The following SSBP3 variants were observed in gnomAD, a reference collection of about 807,000 sequenced individuals.
SSBP3 encodes the protein single stranded DNA binding protein 3.
In SSBP3, 5 loss-of-function variants were observed where a neutral mutation model predicts 69.6. The observed-to-expected ratio is 0.07, with a 90% CI of 0.04 to 0.15. The LOEUF is 0.15. Ranked by LOEUF, SSBP3 falls within the 10% of genes least tolerant of loss-of-function variation. SSBP3 has a pLI of 1.00. For missense variants in SSBP3, 312 were observed against 534.0 expected (o/e 0.58, Z 4.10); for synonymous variants, 196 against 193.4 (o/e 1.01, Z -0.11).
In SSBP3 at chr1:54,255,167, G is replaced by C. The variant is rs544909926; in HGVS notation, c.507+1960C>G. ...TTCTATTGCGGGGGGGCGGGGGGGGGGGTGGTTGGCAGGGAGGTTGGGAAA... is the reference window on the plus strand; with the variant it reads ...TTCTATTGCGGGGGGGCGGGGGGGGCGGTGGTTGGCAGGGAGGTTGGGAAA... On this transcript the variant is annotated intron_variant, in intron 7 of 17. Coordinates refer to ENST00000610401, the Ensembl canonical transcript of SSBP3. Among the ~76,000 whole-genome samples the C allele has an allele frequency of 4.8e-3, 682 of 140,786 alleles. 33 individuals carry two copies. Among genetic ancestry groups the C allele is most frequent in the African/African-American group, 0.016 (642 of 38,992 alleles). The allele number at this position is 140,786 out of a possible 152,430, so 92.4% of individuals were successfully genotyped here.
At chr1:54,406,679 C>T (rs1649799840), upstream of SSBP3, among the ~76,000 whole-genome samples, 1 of 151,970 alleles carries the variant, frequency 6.6e-6, no homozygotes, top group African/African-American at 2.4e-5. Context: ...ACCCTGGTCT[C>T]CTCGCCCCAG....
intron 4 of SSBP3, among the ~76,000 whole-genome samples, chr1:54,360,916 C>CT (rs1646941946): frequency 8.2e-6 from 1 of 122,316 alleles, no homozygotes; most frequent in Non-Finnish European, 1.7e-5. Context: ...CTTGTCTCTA[C>CT]TTAAAAAAAA....
At chr1:54,273,050 C>T (rs1051282838) in intron 5 of SSBP3, among the ~76,000 whole-genome samples, 4 of 152,202 alleles carry the variant, frequency 2.6e-5, no homozygotes, top group South Asian at 2.1e-4. Context: ...GCCAGGAGGA[C>T]GTGGTGTGTA....
chr1:54,411,918 C>G (rs1010880549), intron 1 of SSBP3, among the ~76,000 whole-genome samples: 7 of 145,612 alleles, frequency 4.8e-5, no homozygotes, highest in Non-Finnish European at 1.1e-4. Context: ...AAGCAGAAGG[C>G]AAGGCCCTAT....
intron 14 of SSBP3, 169 bp downstream of exon 14, chr1:54,238,960 A>C: frequency 2.2e-6 from 1 of 464,456 alleles, no homozygotes; most frequent in Non-Finnish European, 4.1e-6. Flanking sequence ...GCCGCCCATG[A>C]AATGGGAACT....
intron 4 of SSBP3, among the ~76,000 whole-genome samples, chr1:54,380,735 C>A (rs1647563025): frequency 6.6e-6 from 1 of 152,074 alleles, no homozygotes; most frequent in Non-Finnish European, 1.5e-5. Context: ...TTGTAATGCC[C>A]CACCCCCAAC....
At chr1:54,331,525 C>G (rs911290506) in intron 4 of SSBP3, among the ~76,000 whole-genome samples, 4 of 152,208 alleles carry the variant, frequency 2.6e-5, no homozygotes, top group Non-Finnish European at 4.4e-5. Context: ...GCCTCTCCCT[C>G]CACACCACAC....
chr1:54,228,363 A>G lies in SSBP3; in HGVS notation c.1036-7T>C, dbSNP rs1336115566. ...TTATGTTGTTAGGAGAATTCTGTGGAAAGAGGAGAGGAGGTGAGCACCTGT... is the reference window on the plus strand; with the variant it reads ...TTATGTTGTTAGGAGAATTCTGTGGGAAGAGGAGAGGAGGTGAGCACCTGT... On this transcript the variant is annotated splice_polypyrimidine_tract_variant and splice_region_variant and intron_variant, in intron 16 of 17. Transcript: ENST00000610401. The G allele has an allele frequency of 3.1e-6, 5 of 1,614,012 alleles. No individual in the cohort carries two copies. Among genetic ancestry groups the G allele is most frequent in the African/African-American group, 1.3e-5 (1 of 74,906 alleles).
At chr1:54,241,069 C>A (rs764172437) in intron 12 of SSBP3, 110 bp from the exon 13 acceptor site, 5 of 1,176,720 alleles carry the variant, frequency 4.2e-6, no homozygotes, top group African/African-American at 3.1e-5. Context: ...CAGGCCCAGC[C>A]GCTATTCATC....
chr1:54,297,482 T>G (rs1645723031), intron 4 of SSBP3, among the ~76,000 whole-genome samples: 1 of 152,066 alleles, frequency 6.6e-6, no homozygotes, highest in African/African-American at 2.4e-5. Context: ...AATACAAAAA[T>G]TAGCCGGGCG....
chr1:54,276,962 C>T (rs1645299772), intron 5 of SSBP3, among the ~76,000 whole-genome samples: 1 of 152,180 alleles, frequency 6.6e-6, no homozygotes, highest in African/African-American at 2.4e-5. Flanking sequence ...TCTCCTGTGT[C>T]CTGCCACAGG....
At chr1:54,355,839 T>TTG (rs1053697697) in intron 4 of SSBP3, among the ~76,000 whole-genome samples, 13 of 152,326 alleles carry the variant, frequency 8.5e-5, no homozygotes, top group Admixed American at 7.8e-4. Flanking sequence ...ACCTCCCGCT[T>TTG]TGTGCGAGGG....
In SSBP3 at chr1:54,228,929, C is replaced by T. The variant is rs930504893; in HGVS notation, c.928-103G>A. The T allele has an allele frequency of 2.9e-5, 36 of 1,241,438 alleles. No individual in the cohort carries two copies. The African/African-American group carries it at 4.9e-4, about 17-fold the overall frequency. 76.9% of individuals were successfully genotyped at this position (1,241,438 alleles called of 1,614,324 possible). ...ACGCTTGAGTCCTGGCCCTGGGGAACCCCTGCTCCGGCAGGCTCTGCTCAC... is the reference window on the plus strand; with the variant it reads ...ACGCTTGAGTCCTGGCCCTGGGGAATCCCTGCTCCGGCAGGCTCTGCTCAC... On this transcript the variant is annotated intron_variant, in intron 14 of 17. Transcript: ENST00000610401.
intron 7 of SSBP3, among the ~76,000 whole-genome samples, chr1:54,253,189 T>G (rs1335730632): frequency 7.0e-6 from 1 of 143,308 alleles, no homozygotes; most frequent in South Asian, 2.1e-4. Flanking sequence ...TTTTTTAGTT[T>G]TTGTTTTTTT....
At chr1:54,338,918 G>A (rs960351120) in intron 4 of SSBP3, among the ~76,000 whole-genome samples, 3 of 152,152 alleles carry the variant, frequency 2.0e-5, no homozygotes, top group African/African-American at 7.2e-5. Flanking sequence ...AGATCATGAC[G>A]ACGGTGCAAG....
At chr1:54,376,690 T>C (rs1316238825) in intron 4 of SSBP3, among the ~76,000 whole-genome samples, 1 of 152,106 alleles carries the variant, frequency 6.6e-6, no homozygotes, top group Non-Finnish European at 1.5e-5. Flanking sequence ...TCAAATTACA[T>C]CAAACATCTA....
At chr1:54,365,455 C>A (rs556858471) in intron 4 of SSBP3, among the ~76,000 whole-genome samples, 1 of 152,166 alleles carries the variant, frequency 6.6e-6, no homozygotes, top group African/African-American at 2.4e-5. Flanking sequence ...CAGTAATACT[C>A]TACTATTTGA....
intron 4 of SSBP3, among the ~76,000 whole-genome samples, chr1:54,311,663 T>C (rs966044614): frequency 1.3e-5 from 2 of 152,038 alleles, no homozygotes; most frequent in African/African-American, 4.8e-5. Context: ...GGCGGCAGAC[T>C]CAGGAGGGCA....
intron 14 of SSBP3, among the ~76,000 whole-genome samples, chr1:54,234,320 G>A (rs11206311): frequency 0.016 from 2,287 of 145,178 alleles, 45 homozygotes; most frequent in Middle Eastern, 0.055. Flanking sequence ...CCCCCTCTGT[G>A]AGAAACACCC....
Sources: gnomAD v4.1 joint callset for allele counts (sites outside exome capture counted in the v4.1 genomes callset) on GRCh38, gnomAD v4.1.1 for gene constraint, MANE v1.5 for transcripts, NCBI Gene and HGNC (gene_info 2026-07-23, HGNC 2026-07-21) for gene names.